NMNAT3: variants seen among roughly 807,000 people sequenced by gnomAD.
NMNAT3 encodes the protein nicotinamide nucleotide adenylyltransferase 3, also known as nicotinamide/nicotinic acid mononucleotide adenylyltransferase 3.
NMNAT3 carries 21 observed loss-of-function variants against 24.8 expected under a neutral mutation model. The ratio of observed to expected loss-of-function variants is 0.85; its 90% CI spans 0.60 to 1.22. The LOEUF (loss-of-function observed/expected upper bound fraction) is 1.22. Among genes scored for constraint, NMNAT3 ranks in the 50% most tolerant of loss-of-function variants. The probability of loss-of-function intolerance (pLI) is 0.00; values close to 1 mark genes in which losing one functional copy is unlikely to be tolerated. For synonymous variants in NMNAT3, 136 were observed against 155.2 expected (o/e 0.88, Z 0.92); for missense variants, 387 against 436.6 (o/e 0.89, Z 1.01).
intron 3 of NMNAT3, among the ~76,000 whole-genome samples, chr3:139,624,140 T>G (rs1239626054): frequency 6.6e-6 from 1 of 152,252 alleles, no homozygotes; most frequent in African/African-American, 2.4e-5. Context: ...TTTATTAAAG[T>G]GGAAGTTGAA....
rs150500766 is a variant in NMNAT3 at position 139,643,471 on chromosome 3, T to C, written c.-140-5409A>G. Among the ~76,000 whole-genome samples the C allele has an allele frequency of 2.8e-3, 433 of 152,302 alleles. 2 individuals are homozygous for C. The highest frequency in any genetic ancestry group is 0.01 in the African/African-American group (420 of 41,552). ...AAGGTGGAAGGAAACCAAGTGTCCA[T>C]TAACGGAAGAATGGATCAACAAAAT... On this transcript the variant is annotated intron_variant, in intron 1 of 6. Coordinates refer to ENST00000643695, the MANE Select transcript of NMNAT3 (RefSeq NM_001320510.2).
intron 1 of NMNAT3, among the ~76,000 whole-genome samples, chr3:139,643,714 CG>C (rs1426177841): frequency 1.3e-5 from 2 of 151,840 alleles, no homozygotes; most frequent in East Asian, 3.9e-4. Context: ...ATGGCGGTGC[CG>C]GGGGTGGGAG....
chr3:139,612,136 C>T (rs2055249157), intron 3 of NMNAT3, among the ~76,000 whole-genome samples: 1 of 144,780 alleles, frequency 6.9e-6, no homozygotes, highest in Admixed American at 7.1e-5. Context: ...CATTGCACTC[C>T]AGCTTGGGCA....
intron 4 of NMNAT3, among the ~76,000 whole-genome samples, chr3:139,579,614 G>A (rs529650812): frequency 8.5e-5 from 13 of 152,246 alleles, no homozygotes; most frequent in Admixed American, 2.0e-4. Context: ...GTGGGAAAGC[G>A]TACTTTGAAA....
intron 5 of NMNAT3, 118 bp downstream of exon 5, chr3:139,578,754 T>C: frequency 1.2e-6 from 1 of 814,682 alleles, no homozygotes. Flanking sequence ...TCTTGGATAT[T>C]TGCTGAGAAG....
chr3:139,614,790 T>C (rs946275176), intron 3 of NMNAT3, among the ~76,000 whole-genome samples: 22 of 152,246 alleles, frequency 1.4e-4, no homozygotes, highest in Non-Finnish European at 1.2e-4. Context: ...TTTTTTCCTG[T>C]GGAATTAATC....
chr3:139,590,835 A>G (rs2054129119), intron 3 of NMNAT3, among the ~76,000 whole-genome samples: 1 of 152,214 alleles, frequency 6.6e-6, no homozygotes, highest in South Asian at 2.1e-4. Flanking sequence ...TTCACTTTTA[A>G]TTCTTCTTTA....
At chr3:139,622,803 A>G (rs959999417) in intron 3 of NMNAT3, among the ~76,000 whole-genome samples, 3 of 142,908 alleles carry the variant, frequency 2.1e-5, no homozygotes, top group Non-Finnish European at 4.5e-5. Flanking sequence ...TATATATGAT[A>G]TATATATAAA....
chr3:139,644,120 G>A (rs1004561214), intron 1 of NMNAT3, among the ~76,000 whole-genome samples: 2 of 152,146 alleles, frequency 1.3e-5, no homozygotes, highest in Admixed American at 6.5e-5. Flanking sequence ...TTTCAATTAT[G>A]TAAGCCAACA....
chr3:139,660,573 A>C (rs934425699), intron 1 of NMNAT3, among the ~76,000 whole-genome samples: 13 of 152,222 alleles, frequency 8.5e-5, no homozygotes, highest in Admixed American at 6.5e-4. Flanking sequence ...ATAGGAAAGA[A>C]ATGGAGTTTT....
intron 1 of NMNAT3, among the ~76,000 whole-genome samples, chr3:139,646,882 G>A (rs928733105): frequency 3.9e-5 from 6 of 152,206 alleles, no homozygotes; most frequent in Non-Finnish European, 5.9e-5. Flanking sequence ...GTACGCTCAC[G>A]AACCTTATCC....
chr3:139,612,059 T>C (rs1265325715), intron 3 of NMNAT3, among the ~76,000 whole-genome samples: 10 of 150,828 alleles, frequency 6.6e-5, no homozygotes, highest in African/African-American at 9.8e-5. Flanking sequence ...CCCATCTACT[T>C]GGGAGGCTGA....
intron 6 of NMNAT3, chr3:139,567,248 G>A (rs1937382211): frequency 1.3e-5 from 2 of 151,552 alleles, no homozygotes; most frequent in Non-Finnish European, 3.0e-5. Flanking sequence ...ATCAGCTTGA[G>A]GAGATTTTGG....
intron 1 of NMNAT3, among the ~76,000 whole-genome samples, chr3:139,648,606 G>A (rs986918319): frequency 1.3e-5 from 2 of 152,232 alleles, no homozygotes. Context: ...GTGTAGGCAT[G>A]TACATGTGTT....
At chr3:139,619,691 G>A (rs989718945) in intron 3 of NMNAT3, among the ~76,000 whole-genome samples, 5 of 152,118 alleles carry the variant, frequency 3.3e-5, no homozygotes, top group Non-Finnish European at 7.4e-5. Context: ...GATGCCAGGG[G>A]CCTTTCTGAC....
intron 6 of NMNAT3, among the ~76,000 whole-genome samples, chr3:139,562,318 A>T (rs183611069): frequency 4.6e-4 from 70 of 152,278 alleles, no homozygotes; most frequent in African/African-American, 1.7e-3. Flanking sequence ...TACCTGCATT[A>T]TACTGGAGAA....
At chr3:139,562,495 A>G (rs1936555191) in intron 6 of NMNAT3, among the ~76,000 whole-genome samples, 4 of 152,230 alleles carry the variant, frequency 2.6e-5, no homozygotes, top group Admixed American at 2.6e-4. Context: ...GGGGTCCCAG[A>G]GTACTGGCCC....
At chr3:139,584,338 T>TGGAGC (rs2053828970) in intron 3 of NMNAT3, 1 of 159,920 alleles carries the variant, frequency 6.3e-6, no homozygotes, top group African/African-American at 2.4e-5. Context: ...GGGATGCACA[T>TGGAGC]GGAGCGGTGA....
intron 3 of NMNAT3, among the ~76,000 whole-genome samples, chr3:139,607,051 T>A (rs2054979391): frequency 6.6e-6 from 1 of 152,122 alleles, no homozygotes; most frequent in Non-Finnish European, 1.5e-5. Context: ...AAGAATGGCA[T>A]TTAGAAACCA....
Sources: allele counts gnomAD v4.1 joint callset (sites outside exome capture counted in the v4.1 genomes callset), GRCh38; gene constraint gnomAD v4.1.1; transcripts MANE v1.5; gene names NCBI Gene and HGNC (gene_info 2026-07-23, HGNC 2026-07-21).